Variants in SPTB observed in about 807,000 individuals in gnomAD.
The protein encoded by SPTB is spectrin beta, erythrocytic, also known as spectrin beta chain, erythrocytic.
A neutral mutation model predicts 256.2 loss-of-function variants in SPTB; 45 were observed. That is an observed-to-expected ratio of 0.18 (90% confidence interval 0.14 to 0.23). The LOEUF (loss-of-function observed/expected upper bound fraction) is 0.23, where lower values mean the gene tolerates loss of function less well. SPTB is among the 10% of genes least tolerant of loss of function. The pLI is 1.00. For missense variants in SPTB, 2,715 were observed against 3,040.4 expected (o/e 0.89, Z 2.52); for synonymous variants, 1,231 against 1,243.1 (o/e 0.99, Z 0.21).
In SPTB at chr14:64,772,264, T is replaced by A. The variant is rs1292923695; in HGVS notation, c.5553+316A>T. Among the ~76,000 whole-genome samples the A allele has an allele frequency of 5.3e-5, 8 of 152,218 alleles. No homozygotes were observed. The highest frequency in any genetic ancestry group is 1.9e-4 in the African/African-American group (8 of 41,460). The stretch of plus-strand genomic sequence containing the variant: ...CTGCCATGAGGGTCCAGCGGCTACA[T>A]ACATTGCTCAGAAGAGCACCTGGTG... On this transcript the variant is annotated intron_variant, in intron 26 of 35. Coordinates refer to ENST00000644917, the MANE Select transcript of SPTB (RefSeq NM_001355436.2). This position sits in a 1 kb window ranked among gnomAD's most constrained non-coding sequence, Gnocchi z 5.4.
rs771875005 is a variant in SPTB, at chr14:64,823,022, C to T, written c.73G>A (p.Ala25Thr). 9 of 1,614,036 alleles carry T rather than the reference C, an allele frequency of 5.6e-6. No homozygotes were observed. The highest frequency in any genetic ancestry group is 7.6e-6 in the Non-Finnish European group (9 of 1,180,042). The change falls in exon 2 of 36, where the codon GCC becomes ACC. Residue 25 changes from alanine (A) to threonine (T), a missense_variant. Ala to Thr is a moderately conservative substitution (Grantham distance 58). Around this residue, in one of 4 missense-constraint regions of SPTB, gnomAD observed 58 missense variants for 67.9 expected, o/e 0.85. Coordinates refer to ENST00000644917, the MANE Select transcript of SPTB (RefSeq NM_001355436.2). The surrounding 1 kb of genome is among the most constrained non-coding windows in gnomAD (Gnocchi z 6.5). ...PYSRINARWD[A>T]PDDELDNDNS... ...TCATTATCCAGCTCGTCGTCTGGGG[C>T]GTCCCAGCGGGCATTGATCCTGCTG...
chr14:64,860,676 C>T (rs574398220), intron 1 of SPTB, among the ~76,000 whole-genome samples: 1 of 152,288 alleles, frequency 6.6e-6, no homozygotes, highest in South Asian at 2.1e-4. Context: ...ACAAACACAT[C>T]CTCAGTGCCA....
chr14:64,837,270 T>C (rs945645701), intron 1 of SPTB, among the ~76,000 whole-genome samples: 12 of 152,224 alleles, frequency 7.9e-5, no homozygotes, highest in Admixed American at 7.9e-4. Flanking sequence ...TATTCTAGCA[T>C]CTTGTATTTA....
At chr14:64,878,434 G>A (rs933308216) in intron 1 of SPTB, among the ~76,000 whole-genome samples, 6 of 152,102 alleles carry the variant, frequency 3.9e-5, no homozygotes, top group Non-Finnish European at 7.4e-5. Context: ...TTTGGAACCT[G>A]GGACTCAGAG....
In SPTB at chr14:64,826,052, A is replaced by G. The variant is rs1475834834; in HGVS notation, c.-51-2907T>C. On this transcript the variant is annotated intron_variant, in intron 1 of 35. Coordinates refer to ENST00000644917, the MANE Select transcript of SPTB (RefSeq NM_001355436.2). The surrounding 1 kb of genome is among the most constrained non-coding windows in gnomAD (Gnocchi z 4.4). ...ACCAAGGAAAGATGATTCAGAAATG[A>G]AAGTGAGGCCCCTTTCCTTGTGCCC... Among the ~76,000 whole-genome samples the G allele has an allele frequency of 6.6e-6, 1 of 152,208 alleles. No individual in the cohort carries two copies. Among genetic ancestry groups the G allele is most frequent in the African/African-American group, 2.4e-5 (1 of 41,446 alleles).
intron 2 of SPTB, among the ~76,000 whole-genome samples, chr14:64,808,355 T>C (rs947568022): frequency 6.6e-6 from 1 of 152,136 alleles, no homozygotes; most frequent in African/African-American, 2.4e-5. Flanking sequence ...GTTGTGGCCA[T>C]CCTCATTCCC....
At chr14:64,862,552 T>C (rs1457758549) in intron 1 of SPTB, among the ~76,000 whole-genome samples, 1 of 152,108 alleles carries the variant, frequency 6.6e-6, no homozygotes, top group Non-Finnish European at 1.5e-5. Context: ...ATTTTGATTA[T>C]ATGATCTTAA....
chr14:64,749,542 T>C lies in SPTB; in HGVS notation c.6820-69A>G, dbSNP rs2081909715. ...CCCCACCTCCCGGGCCAGGCAACAA[T>C]GGTGGGGGCTCTTGGGACTGCCCCT... On this transcript the variant is annotated intron_variant, in intron 35 of 35. Transcript: ENST00000644917. The surrounding 1 kb of genome is among the most constrained non-coding windows in gnomAD (Gnocchi z 4.7). The C allele has an allele frequency of 1.9e-5, 31 of 1,600,814 alleles. No individual in the cohort carries two copies. The South Asian group carries it at 3.4e-4, about 18-fold the overall frequency.
rs2083355096 is a variant in SPTB, at chr14:64,825,020, G to C, written c.-51-1875C>G. Among the ~76,000 whole-genome samples the C allele has an allele frequency of 6.6e-6, 1 of 152,092 alleles. No individual in the cohort carries two copies. ...CTGGGACCAAAGGCCAAACTGGAGC[G>C]CAGTTTATCCCCCTTGACCAGACGG... On this transcript the variant is annotated intron_variant, in intron 1 of 35. Coordinates refer to ENST00000644917, the MANE Select transcript of SPTB (RefSeq NM_001355436.2). The surrounding 1 kb of genome is among the most constrained non-coding windows in gnomAD (Gnocchi z 4.8).
In SPTB at chr14:64,844,584, A is replaced by T; in HGVS notation, c.-51-21439T>A. On this transcript the variant is annotated intron_variant, in intron 1 of 35. Transcript: ENST00000644917. This position sits in a 1 kb window ranked among gnomAD's most constrained non-coding sequence, Gnocchi z 4.1. ...AGAAGCCTGATGCCGGTCTGACAGC[A>T]GAACTTTAGGATGAATTGTCTCTAA... Among the ~76,000 whole-genome samples, 1 of 152,260 alleles carries T rather than the reference A, an allele frequency of 6.6e-6. No individual in the cohort carries two copies. The highest frequency in any genetic ancestry group is 1.5e-5 in the Non-Finnish European group (1 of 68,048).
rs141732374 is a variant in SPTB at position 64,764,419 on chromosome 14, G to A, written c.6345+2307C>T. Among the ~76,000 whole-genome samples the A allele has an allele frequency of 2.7e-3, 412 of 152,306 alleles. No homozygotes were observed. The highest frequency in any genetic ancestry group is 4.8e-3 in the Non-Finnish European group (327 of 68,014). Reference sequence around the variant, plus strand: ...TGCGTGAGGCCTTGGGTCTGTGTTCGTTTGAGTCACCATCTGGTTTCTTTC... The same window carrying A: ...TGCGTGAGGCCTTGGGTCTGTGTTCATTTGAGTCACCATCTGGTTTCTTTC... On this transcript the variant is annotated intron_variant, in intron 32 of 35. Coordinates refer to ENST00000644917, the MANE Select transcript of SPTB (RefSeq NM_001355436.2). The surrounding 1 kb of genome is among the most constrained non-coding windows in gnomAD (Gnocchi z 4.2).
chr14:64,861,288 G>A (rs1426446832), intron 1 of SPTB, among the ~76,000 whole-genome samples: 1 of 152,074 alleles, frequency 6.6e-6, no homozygotes, highest in East Asian at 1.9e-4. Flanking sequence ...TAACAAACCT[G>A]CACGTTCTGT....
intron 1 of SPTB, among the ~76,000 whole-genome samples, chr14:64,828,848 T>C (rs2083410695): frequency 1.3e-5 from 2 of 152,208 alleles, no homozygotes; most frequent in African/African-American, 2.4e-5. Flanking sequence ...AGGAGGTAGG[T>C]AGAGGTCTCA....
In SPTB at chr14:64,807,030, G is replaced by A. The variant is rs2082997124; in HGVS notation, c.149-1940C>T. Among the ~76,000 whole-genome samples, 1 of 152,154 alleles carries A rather than the reference G, an allele frequency of 6.6e-6. No individual in the cohort carries two copies. Among genetic ancestry groups the A allele is most frequent in the South Asian group, 2.1e-4 (1 of 4,824 alleles). ...TGCTTCAGCGAAATGTAACTAAAGG[G>A]AGTTTGATGCCATACTGGACGGAAA... On this transcript the variant is annotated intron_variant, in intron 2 of 35. Coordinates refer to ENST00000644917, the MANE Select transcript of SPTB (RefSeq NM_001355436.2). The surrounding 1 kb of genome is among the most constrained non-coding windows in gnomAD (Gnocchi z 4.7).
At position 64,841,365 on chromosome 14, in the gene SPTB, G is replaced by T. The variant is rs1475101; in HGVS notation, c.-51-18220C>A. Among the ~76,000 whole-genome samples the T allele has an allele frequency of 0.29, 43,558 of 152,040 alleles. 7,102 individuals carry two copies. Among genetic ancestry groups the T allele is most frequent in the East Asian group, 0.6 (3,121 of 5,178 alleles). ...AGCCCTCTGCAGGAAGGAATGTGGA[G>T]ATCAAAGGAGTGGGAAGGTTATAAA... On this transcript the variant is annotated intron_variant, in intron 1 of 35. Coordinates refer to ENST00000644917, the MANE Select transcript of SPTB (RefSeq NM_001355436.2). This position sits in a 1 kb window ranked among gnomAD's most constrained non-coding sequence, Gnocchi z 4.6.
intron 2 of SPTB, among the ~76,000 whole-genome samples, chr14:64,812,470 C>T (rs889247502): frequency 2.6e-5 from 4 of 152,158 alleles, no homozygotes; most frequent in African/African-American, 7.2e-5. Flanking sequence ...GAGCAAGGAA[C>T]GCTCTACCTC....
chr14:64,810,959 T>A (rs1385075803), intron 2 of SPTB, among the ~76,000 whole-genome samples: 11 of 151,822 alleles, frequency 7.2e-5, no homozygotes, highest in South Asian at 2.1e-4. Flanking sequence ...TACAAAAAAA[T>A]TTAAAAATTA....
chr14:64,827,818 G>C lies in SPTB; in HGVS notation c.-51-4673C>G, dbSNP rs188609303. On this transcript the variant is annotated intron_variant, in intron 1 of 35. Transcript: ENST00000644917. The surrounding 1 kb of genome is among the most constrained non-coding windows in gnomAD (Gnocchi z 4.6). ...CAGACATTTCCACCTAGAAATTACA[G>C]CTCAGTCTCAATATGGCTAAGACTG... 1.1e-4 allele frequency among the ~76,000 whole-genome samples: 16 copies of C among 152,262 alleles called. No individual in the cohort carries two copies. Among genetic ancestry groups the C allele is most frequent in the Admixed American group, 5.2e-4 (8 of 15,300 alleles).
At chr14:64,828,109 T>C (rs890323660) in intron 1 of SPTB, among the ~76,000 whole-genome samples, 1 of 152,358 alleles carries the variant, frequency 6.6e-6, no homozygotes, top group East Asian at 1.9e-4. Context: ...CCATGGTTGC[T>C]ACTTAGGGAT....
Sources: gnomAD v4.1 joint callset for allele counts (sites outside exome capture counted in the v4.1 genomes callset) on GRCh38, gnomAD v4.1.1 for gene constraint, gnomAD v4.1.1 regional missense constraint, Gnocchi (gnomAD v3.1) non-coding constraint, MANE v1.5 for transcripts, NCBI Gene and HGNC (gene_info 2026-07-23, HGNC 2026-07-21) for gene names.